Variants in GRID2 observed in about 807,000 individuals in gnomAD.
The protein encoded by GRID2 is glutamate ionotropic receptor delta type subunit 2.
In GRID2, 33 loss-of-function variants were observed where a neutral mutation model predicts 114.8. The observed-to-expected ratio is 0.29, with a 90% confidence interval of 0.22 to 0.38. The LOEUF (loss-of-function observed/expected upper bound fraction) is 0.38. Ranked by LOEUF, GRID2 falls within the 10% of genes least tolerant of loss-of-function variation. GRID2 has a pLI of 1.00. For synonymous variants in GRID2, 505 were observed against 449.9 expected (o/e 1.12, Z -1.55); for missense variants, 1,184 against 1,257.7 (o/e 0.94, Z 0.89).
intron 2 of GRID2, among the ~76,000 whole-genome samples, chr4:92,982,877 C>T (rs1754301724): frequency 1.3e-5 from 2 of 152,078 alleles, no homozygotes. Context: ...GACTCATTAA[C>T]CGTTCTCATT....
At position 93,686,997 on chromosome 4, in the gene GRID2, T is replaced by G. The variant is rs544250822; in HGVS notation, c.2360+60562T>G. 2.6e-5 allele frequency among the ~76,000 whole-genome samples: 4 copies of G among 151,990 alleles called. No homozygotes were observed. In the East Asian group the frequency reaches 7.7e-4, roughly 29 times the overall value. On this transcript the variant is annotated intron_variant, in intron 14 of 15. Coordinates refer to ENST00000282020, the MANE Select transcript of GRID2 (RefSeq NM_001510.4). ...GAAAACCGCCTGAAAGTGGGAAAGA[T>G]AGAAGCTGGGAGAACAGTTAGGAGG...
At chr4:93,316,283 C>CGAAAGAAAGAAAGAAAGAAA (rs1382874932) in intron 8 of GRID2, among the ~76,000 whole-genome samples, 3 of 97,686 alleles carry the variant, frequency 3.1e-5, no homozygotes, top group East Asian at 4.7e-4. Context: ...AAGAAAAGAA[C>CGAAAGAAAGAAAGAAAGAAA]GAAAGAACGA....
chr4:93,772,874 T>G lies in GRID2; in HGVS notation c.*376T>G, dbSNP rs763233643. 8 of 176,028 alleles carry G rather than the reference T, an allele frequency of 4.5e-5. No homozygotes were observed. The highest frequency in any genetic ancestry group is 1.2e-4 in the Admixed American group (2 of 16,650). 10.9% of individuals were successfully genotyped at this position (176,028 alleles called of 1,614,324 possible). A position where few individuals can be genotyped will look rare whatever the true frequency, so the allele number is the denominator to read the frequency against. On this transcript the variant is annotated 3_prime_UTR_variant, in exon 16 of 16. Transcript: ENST00000282020. ...GGCCTCTTCTGTAACATTTCTCTATTTTTTGAAATACAATTGCAATAACTT... is the reference window on the plus strand; with the variant it reads ...GGCCTCTTCTGTAACATTTCTCTATGTTTTGAAATACAATTGCAATAACTT...
intron 2 of GRID2, among the ~76,000 whole-genome samples, chr4:92,954,491 A>G: frequency 6.6e-6 from 1 of 151,720 alleles, no homozygotes; most frequent in East Asian, 1.9e-4. Context: ...CAGTGGAGCG[A>G]TCTCGACTCA....
intron 4 of GRID2, among the ~76,000 whole-genome samples, chr4:93,159,250 G>A (rs921052793): frequency 1.3e-5 from 2 of 151,710 alleles, no homozygotes; most frequent in Admixed American, 6.6e-5. Context: ...ACTCTGTAAG[G>A]TTATTGACTG....
chr4:93,013,329 CTTTATG>C (rs1486060358), intron 2 of GRID2, among the ~76,000 whole-genome samples: 1 of 151,744 alleles, frequency 6.6e-6, no homozygotes, highest in Non-Finnish European at 1.5e-5. Flanking sequence ...TTGAGGATAA[CTTTATG>C]TTTATTGACA....
chr4:92,874,543 A>G (rs978325434), intron 2 of GRID2, among the ~76,000 whole-genome samples: 6 of 152,304 alleles, frequency 3.9e-5, no homozygotes, highest in African/African-American at 1.4e-4. Flanking sequence ...TTAAACATCC[A>G]AAGAGTACTC....
chr4:93,086,098 A>G (rs1169420169), intron 3 of GRID2, among the ~76,000 whole-genome samples: 2 of 152,142 alleles, frequency 1.3e-5, no homozygotes, highest in Non-Finnish European at 2.9e-5. Flanking sequence ...AGAGATGAGT[A>G]TGATCAAATG....
intron 1 of GRID2, among the ~76,000 whole-genome samples, chr4:92,580,514 G>T (rs1728128931): frequency 6.6e-6 from 1 of 151,772 alleles, no homozygotes; most frequent in Non-Finnish European, 1.5e-5. Context: ...ATTTATTTTG[G>T]CCCATTCAGA....
At chr4:93,157,237 C>T (rs981459450) in intron 4 of GRID2, among the ~76,000 whole-genome samples, 1 of 151,484 alleles carries the variant, frequency 6.6e-6, no homozygotes, top group Non-Finnish European at 1.5e-5. Flanking sequence ...TTGTGAGACT[C>T]GAAACACCCT....
At chr4:92,813,654 G>A (rs1000041432) in intron 2 of GRID2, among the ~76,000 whole-genome samples, 16 of 151,622 alleles carry the variant, frequency 1.1e-4, no homozygotes, top group African/African-American at 3.6e-4. Context: ...ACAGACACAC[G>A]CACGCACACA....
intron 2 of GRID2, among the ~76,000 whole-genome samples, chr4:92,595,877 A>C (rs1728927100): frequency 1.3e-5 from 2 of 152,148 alleles, no homozygotes; most frequent in Non-Finnish European, 2.9e-5. Flanking sequence ...TAAATAGTCT[A>C]GTCCAAAGAA....
intron 13 of GRID2, among the ~76,000 whole-genome samples, chr4:93,601,364 G>A (rs1739665044): frequency 6.6e-6 from 1 of 152,014 alleles, no homozygotes; most frequent in South Asian, 2.1e-4. Context: ...ATAAATACAT[G>A]GGTGTCCTGG....
intron 3 of GRID2, among the ~76,000 whole-genome samples, chr4:93,107,183 C>A (rs1328241097): frequency 1.3e-5 from 2 of 152,112 alleles, no homozygotes; most frequent in Non-Finnish European, 2.9e-5. Context: ...CCTGCAGTCT[C>A]AGCTGCTCAG....
chr4:92,643,440 ACT>A (rs1008206669), intron 2 of GRID2, among the ~76,000 whole-genome samples: 1 of 151,670 alleles, frequency 6.6e-6, no homozygotes, highest in Admixed American at 6.6e-5. Context: ...AACCCCAAAG[ACT>A]CTGCCAAAAG....
At chr4:92,361,624 G>A (rs377442829) in intron 1 of GRID2, among the ~76,000 whole-genome samples, 2 of 151,990 alleles carry the variant, frequency 1.3e-5, no homozygotes, top group East Asian at 3.9e-4. Flanking sequence ...CAATCTCAGA[G>A]GAAGTAGGTT....
At chr4:92,480,432 C>G (rs143283078) in intron 1 of GRID2, among the ~76,000 whole-genome samples, 1 of 152,098 alleles carries the variant, frequency 6.6e-6, no homozygotes, top group Admixed American at 6.6e-5. Flanking sequence ...GTGAGCTTAT[C>G]ATCAAGAACT....
chr4:93,060,402 C>T (rs1240948410), intron 2 of GRID2, among the ~76,000 whole-genome samples: 1 of 152,076 alleles, frequency 6.6e-6, no homozygotes, highest in African/African-American at 2.4e-5. Context: ...TTTGTGTTTC[C>T]ATGGAAGGAA....
chr4:93,264,040 C>A (rs1475286027), intron 8 of GRID2, among the ~76,000 whole-genome samples: 1 of 152,088 alleles, frequency 6.6e-6, no homozygotes, highest in African/African-American at 2.4e-5. Context: ...CTGAACTTGT[C>A]TTTTGCAATG....
Sources: allele counts gnomAD v4.1 joint callset (sites outside exome capture counted in the v4.1 genomes callset), GRCh38; gene constraint gnomAD v4.1.1; transcripts MANE v1.5; gene names NCBI Gene and HGNC (gene_info 2026-07-23, HGNC 2026-07-21).